Variants in PAK2 observed in about 807,000 individuals in gnomAD.
The protein encoded by PAK2 is serine/threonine-protein kinase PAK 2.
Under a neutral mutation model 65.9 loss-of-function variants are expected in PAK2, and 21 were observed. That is an observed-to-expected ratio of 0.32 (90% confidence interval 0.23 to 0.46). The LOEUF is 0.46. Ranked by LOEUF, PAK2 falls within the 20% of genes least tolerant of loss-of-function variation. The pLI, the probability that PAK2 is intolerant of heterozygous loss-of-function variation, is 1.00. For missense variants in PAK2, 324 were observed against 642.6 expected (o/e 0.50, Z 5.36); for synonymous variants, 204 against 219.7 (o/e 0.93, Z 0.63).
chr3:196,749,098 A>G (rs977466439), intron 1 of PAK2, among the ~76,000 whole-genome samples: 6 of 151,438 alleles, frequency 4.0e-5, no homozygotes, highest in African/African-American at 1.5e-4. Context: ...TTTTGGGTGA[A>G]TAGTATTCCC....
intron 1 of PAK2, among the ~76,000 whole-genome samples, chr3:196,774,737 G>A (rs1038009653): frequency 6.6e-6 from 1 of 152,158 alleles, no homozygotes; most frequent in Admixed American, 6.6e-5. Flanking sequence ...AGGACGATGT[G>A]TAGCCAGGGA....
intron 1 of PAK2, among the ~76,000 whole-genome samples, chr3:196,751,487 A>C (rs1713577180): frequency 6.6e-6 from 1 of 150,844 alleles, no homozygotes; most frequent in African/African-American, 2.4e-5. Flanking sequence ...GTCTCTACTA[A>C]AAATAGAAAA....
At chr3:196,828,282 G>A in intron 14 of PAK2, 37 bp from the exon 15 acceptor site, 1 of 1,163,156 alleles carries the variant, frequency 8.6e-7, no homozygotes. Context: ...CTGATGAATG[G>A]CACTTATACA....
intron 11 of PAK2, among the ~76,000 whole-genome samples, chr3:196,817,096 G>C (rs1461449190): frequency 1.3e-5 from 2 of 151,632 alleles, no homozygotes; most frequent in African/African-American, 4.8e-5. Context: ...GATTTCTGAG[G>C]AGCCTGTGCA....
intron 2 of PAK2, among the ~76,000 whole-genome samples, chr3:196,783,401 C>A (rs1378992848): frequency 6.6e-6 from 1 of 151,896 alleles, no homozygotes; most frequent in Non-Finnish European, 1.5e-5. Flanking sequence ...GACCTATCCC[C>A]TGGGGGCAAA....
At chr3:196,825,598 G>A (rs776764202) in intron 13 of PAK2, among the ~76,000 whole-genome samples, 5 of 145,830 alleles carry the variant, frequency 3.4e-5, no homozygotes, top group African/African-American at 7.7e-5. Flanking sequence ...AGCTGAGATC[G>A]TGCCATTGCA....
At chr3:196,812,399 T>C (rs1324627051) in intron 9 of PAK2, 132 bp downstream of exon 9, 3 of 676,424 alleles carry the variant, frequency 4.4e-6, no homozygotes, top group Non-Finnish European at 8.1e-6. Context: ...TACGTATGTT[T>C]ATAGCACTTC....
chr3:196,774,010 G>A (rs1414802446), intron 1 of PAK2, among the ~76,000 whole-genome samples: 1 of 152,010 alleles, frequency 6.6e-6, no homozygotes, highest in Non-Finnish European at 1.5e-5. Flanking sequence ...TCCAGCCTGG[G>A]GACAGAACGA....
At chr3:196,744,598 T>C (rs889347147) in intron 1 of PAK2, among the ~76,000 whole-genome samples, 1 of 151,384 alleles carries the variant, frequency 6.6e-6, no homozygotes, top group African/African-American at 2.4e-5. Context: ...TAGAAGTACC[T>C]ACCCGCTGTT....
intron 1 of PAK2, among the ~76,000 whole-genome samples, chr3:196,745,725 A>G (rs1713352956): frequency 6.6e-6 from 1 of 151,562 alleles, no homozygotes. Flanking sequence ...GAGGCAGGAG[A>G]ATTGTCTGAG....
At chr3:196,808,910 G>T (rs921566742) in intron 7 of PAK2, among the ~76,000 whole-genome samples, 1 of 151,126 alleles carries the variant, frequency 6.6e-6, no homozygotes, top group Non-Finnish European at 1.5e-5. Flanking sequence ...TAATCTAGAG[G>T]GTTCAAGGAA....
intron 1 of PAK2, among the ~76,000 whole-genome samples, chr3:196,772,005 A>G (rs1714376096): frequency 6.6e-6 from 1 of 152,002 alleles, no homozygotes; most frequent in Non-Finnish European, 1.5e-5. Flanking sequence ...AAAGTTCTGT[A>G]TGGTGTTTTC....
intron 14 of PAK2, 86 bp downstream of exon 14, chr3:196,827,419 T>G (rs1711914382): frequency 6.5e-7 from 1 of 1,533,102 alleles, no homozygotes; most frequent in Non-Finnish European, 8.7e-7. Flanking sequence ...ATAAGTAGAT[T>G]TCACTACTCA....
chr3:196,766,625 C>T (rs903417544), intron 1 of PAK2, among the ~76,000 whole-genome samples: 4 of 151,918 alleles, frequency 2.6e-5, no homozygotes, highest in South Asian at 2.1e-4. Flanking sequence ...ATATAATTTA[C>T]GGAGTTCCAA....
intron 10 of PAK2, among the ~76,000 whole-genome samples, chr3:196,814,128 T>C (rs1253570765): frequency 6.6e-6 from 1 of 152,144 alleles, no homozygotes; most frequent in East Asian, 1.9e-4. Context: ...GATGAGTCAC[T>C]TCACCTCTCC....
intron 13 of PAK2, among the ~76,000 whole-genome samples, chr3:196,825,456 A>T (rs559381572): frequency 6.6e-6 from 1 of 151,748 alleles, no homozygotes; most frequent in East Asian, 1.9e-4. Context: ...AGCCTGGCCA[A>T]CACAGTGAAA....
intron 2 of PAK2, among the ~76,000 whole-genome samples, chr3:196,790,362 T>C (rs1358927373): frequency 6.6e-6 from 1 of 152,186 alleles, no homozygotes; most frequent in Non-Finnish European, 1.5e-5. Context: ...GCTGTTTTGT[T>C]GTCTAATGAA....
rs7627510 is a variant in PAK2, at chr3:196,825,453, C to T, written c.1351-1743C>T. The stretch of plus-strand genomic sequence containing the variant: ...AGTTGGGAGTTTAAGACCAGCCTGG[C>T]CAACACAGTGAAACCCCGTCTCTAC... On this transcript the variant is annotated intron_variant, in intron 13 of 14. Coordinates refer to ENST00000327134, the MANE Select transcript of PAK2 (RefSeq NM_002577.4). 5.5e-3 allele frequency among the ~76,000 whole-genome samples: 840 copies of T among 151,848 alleles called. 16 individuals carry two copies. The highest frequency in any genetic ancestry group is 0.018 in the African/African-American group (748 of 41,282).
intron 1 of PAK2, among the ~76,000 whole-genome samples, chr3:196,759,761 G>A (rs1028426777): frequency 2.0e-5 from 3 of 151,784 alleles, no homozygotes; most frequent in Non-Finnish European, 2.9e-5. Flanking sequence ...TCCTGAGCTC[G>A]TGATCTGCCC....
Sources: allele counts gnomAD v4.1 joint callset (sites outside exome capture counted in the v4.1 genomes callset), GRCh38; gene constraint gnomAD v4.1.1; transcripts MANE v1.5; gene names NCBI Gene and HGNC (gene_info 2026-07-23, HGNC 2026-07-21).